CLSTN2: variants seen among roughly 807,000 people sequenced by gnomAD.
The protein encoded by CLSTN2 is calsyntenin 2, also known as calsyntenin-2.
In CLSTN2, 48 loss-of-function variants were observed where a neutral mutation model predicts 101.2. The ratio of observed to expected loss-of-function variants is 0.47; its 90% CI spans 0.38 to 0.60. CLSTN2 has a LOEUF of 0.60. Among genes scored for constraint, CLSTN2 ranks in the 20% least tolerant of loss-of-function variants. The pLI is 0.00. For synonymous variants in CLSTN2, 481 were observed against 463.6 expected (o/e 1.04, Z -0.48); for missense variants, 1,160 against 1,238.2 (o/e 0.94, Z 0.95).
intron 1 of CLSTN2, among the ~76,000 whole-genome samples, chr3:140,128,789 G>A (rs2009475899): frequency 6.6e-6 from 1 of 152,140 alleles, no homozygotes; most frequent in African/African-American, 2.4e-5. Flanking sequence ...TCATTGATGG[G>A]GTCCATGTGG....
chr3:140,191,128 A>C (rs370877061), intron 2 of CLSTN2, among the ~76,000 whole-genome samples: 11 of 152,030 alleles, frequency 7.2e-5, no homozygotes, highest in African/African-American at 2.7e-4. Context: ...AAAAGTATAA[A>C]TGGGTGTTGA....
intron 2 of CLSTN2, among the ~76,000 whole-genome samples, chr3:140,402,848 A>G (rs2088258699): frequency 6.6e-6 from 1 of 152,190 alleles, no homozygotes; most frequent in Non-Finnish European, 1.5e-5. Flanking sequence ...TGGAATGTGA[A>G]TCTAGGCCTC....
intron 10 of CLSTN2, among the ~76,000 whole-genome samples, chr3:140,555,009 A>G (rs79530956): frequency 0.045 from 6,882 of 152,328 alleles, 197 homozygotes; most frequent in South Asian, 0.079. Context: ...GTAACAAATT[A>G]TTTAATATCT....
chr3:140,306,211 TAAACAC>T, intron 2 of CLSTN2, among the ~76,000 whole-genome samples: 1 of 152,322 alleles, frequency 6.6e-6, no homozygotes, highest in South Asian at 2.1e-4. Context: ...TCCACTGTGT[TAAACAC>T]AAAATGCTGG....
intron 8 of CLSTN2, among the ~76,000 whole-genome samples, chr3:140,516,550 A>ATTTTTTTTTTTTTTTTTTTTTTTTTTGT: frequency 7.0e-6 from 1 of 142,798 alleles, no homozygotes; most frequent in Non-Finnish European, 1.6e-5. Context: ...TTCTTTTGGC[A>ATTTTTTTTTTTTTTTTTTTTTTTTTTGT]TTTTTTTTTT....
chr3:140,524,912 C>CAACTT (rs1464222234), intron 8 of CLSTN2, among the ~76,000 whole-genome samples: 1 of 152,224 alleles, frequency 6.6e-6, no homozygotes, highest in East Asian at 1.9e-4. Flanking sequence ...AATAGTGACC[C>CAACTT]AACTTACCAA....
intron 8 of CLSTN2, among the ~76,000 whole-genome samples, chr3:140,467,457 C>G (rs568421904): frequency 1.1e-4 from 16 of 152,212 alleles, no homozygotes; most frequent in Admixed American, 5.2e-4. Flanking sequence ...GCTAATTGTT[C>G]AAAAGTGTTT....
At chr3:139,959,295 C>T (rs1935462456) in intron 1 of CLSTN2, among the ~76,000 whole-genome samples, 1 of 152,200 alleles carries the variant, frequency 6.6e-6, no homozygotes, top group African/African-American at 2.4e-5. Flanking sequence ...TTGCCATTTG[C>T]TGCTTAGCTT....
intron 2 of CLSTN2, among the ~76,000 whole-genome samples, chr3:140,270,395 C>A (rs1454168523): frequency 1.3e-5 from 2 of 152,190 alleles, no homozygotes; most frequent in East Asian, 3.9e-4. Context: ...GATGCTTTGT[C>A]AACCACTTTG....
chr3:140,242,619 A>G (rs940127317), intron 2 of CLSTN2, among the ~76,000 whole-genome samples: 5 of 152,166 alleles, frequency 3.3e-5, no homozygotes, highest in Admixed American at 3.3e-4. Context: ...ATGGACCTCA[A>G]GAGTTTTGAC....
At chr3:140,187,438 C>T (rs1158176703) in intron 2 of CLSTN2, among the ~76,000 whole-genome samples, 1 of 152,152 alleles carries the variant, frequency 6.6e-6, no homozygotes, top group Non-Finnish European at 1.5e-5. Flanking sequence ...AGGAAAAGGC[C>T]TTTCTCTTCT....
At chr3:140,014,044 T>C (rs2007144763) in intron 1 of CLSTN2, among the ~76,000 whole-genome samples, 1 of 152,194 alleles carries the variant, frequency 6.6e-6, no homozygotes, top group Non-Finnish European at 1.5e-5. Flanking sequence ...TATTCCTTGA[T>C]GCCATTTTCC....
intron 8 of CLSTN2, among the ~76,000 whole-genome samples, chr3:140,524,036 T>A (rs1935088247): frequency 6.6e-6 from 1 of 152,188 alleles, no homozygotes; most frequent in Admixed American, 6.5e-5. Context: ...GAGGGGAGAA[T>A]AGATAAGACG....
In CLSTN2 at chr3:140,546,541, G is replaced by A. The variant is rs1935587656; in HGVS notation, c.1534G>A (p.Ala512Thr). Reference protein sequence around the residue: ...QGGEVTKPQFAQFFHGSLASL... With the variant: ...QGGEVTKPQFTQFFHGSLASL... Reference sequence around the variant, plus strand: ...AGGAGAAGTCACCAAACCACAGTTTGCTCAGTTCTTTCATGGAAGCCTGGC... The same window carrying A: ...AGGAGAAGTCACCAAACCACAGTTTACTCAGTTCTTTCATGGAAGCCTGGC... The change falls in exon 10 of 17, where the codon GCT (alanine) becomes ACT (threonine). Residue 512 changes from alanine to threonine, a missense_variant. By Grantham distance (58) the Ala-to-Thr change is moderately conservative (BLOSUM62 0). Transcript: ENST00000458420. The A allele has an allele frequency of 1.2e-6, 2 of 1,614,122 alleles. No homozygotes were observed. The highest frequency in any genetic ancestry group is 1.3e-5 in the African/African-American group (1 of 75,056).
At chr3:140,385,950 A>G (rs1479197817) in intron 2 of CLSTN2, among the ~76,000 whole-genome samples, 1 of 152,094 alleles carries the variant, frequency 6.6e-6, no homozygotes, top group Non-Finnish European at 1.5e-5. Flanking sequence ...AAATGGCCCT[A>G]TTTGGATCTG....
chr3:140,388,823 T>G (rs1169945502), intron 2 of CLSTN2, among the ~76,000 whole-genome samples: 1 of 152,240 alleles, frequency 6.6e-6, no homozygotes, highest in Non-Finnish European at 1.5e-5. Context: ...AGGAAGTATC[T>G]AATATTTCAC....
intron 4 of CLSTN2, 40 bp from the exon 5 acceptor site, chr3:140,421,085 A>G (rs760847456): frequency 8.1e-5 from 129 of 1,600,544 alleles, no homozygotes; most frequent in Non-Finnish European, 1.1e-4. Flanking sequence ...AAGTGCAGTT[A>G]AATTGACCTG....
At chr3:140,551,054 G>T (rs35821108) in intron 10 of CLSTN2, among the ~76,000 whole-genome samples, 1 of 144,194 alleles carries the variant, frequency 6.9e-6, no homozygotes, top group African/African-American at 2.7e-5. Context: ...TTCAAAACTA[G>T]GGGGACTGGG....
intron 3 of CLSTN2, 71 bp from the exon 4 acceptor site, chr3:140,404,487 C>T: frequency 7.0e-7 from 1 of 1,429,260 alleles, no homozygotes; most frequent in Non-Finnish European, 9.8e-7. Flanking sequence ...AGTCAGTGCC[C>T]CCAGGAGGTA....
Sources: allele counts gnomAD v4.1 joint callset (sites outside exome capture counted in the v4.1 genomes callset), GRCh38; gene constraint gnomAD v4.1.1; transcripts MANE v1.5; gene names NCBI Gene and HGNC (gene_info 2026-07-23, HGNC 2026-07-21).